The following MCF2L2 variants were observed in gnomAD, a reference collection of about 807,000 sequenced individuals.
The protein encoded by MCF2L2 is probable guanine nucleotide exchange factor MCF2L2.
MCF2L2 carries 102 observed loss-of-function variants against 150.2 expected under a neutral mutation model. The ratio of observed to expected loss-of-function variants is 0.68; its 90% CI spans 0.58 to 0.80. MCF2L2 has a LOEUF of 0.80. Among genes scored for constraint, MCF2L2 ranks in the 30% least tolerant of loss-of-function variants. The probability of loss-of-function intolerance (pLI) is 0.00; values close to 1 mark genes in which losing one functional copy is unlikely to be tolerated. For missense variants in MCF2L2, 1,256 were observed against 1,372.8 expected (o/e 0.91, Z 1.34); for synonymous variants, 465 against 491.3 (o/e 0.95, Z 0.71).
At chr3:183,287,917 T>C (rs1247198382) in intron 14 of MCF2L2, 2 of 152,210 alleles carry the variant, frequency 1.3e-5, no homozygotes, top group Non-Finnish European at 2.9e-5. Flanking sequence ...TGGGGATTGA[T>C]GATGGATCAT....
intron 15 of MCF2L2, among the ~76,000 whole-genome samples, chr3:183,249,494 G>A (rs1315880127): frequency 6.6e-6 from 1 of 152,210 alleles, no homozygotes; most frequent in Non-Finnish European, 1.5e-5. Flanking sequence ...TGAAGGAGAT[G>A]ATCAGTTCCA....
chr3:183,266,376 C>T (rs1340640644), intron 15 of MCF2L2, among the ~76,000 whole-genome samples: 9 of 152,186 alleles, frequency 5.9e-5, no homozygotes, highest in Admixed American at 5.9e-4. Flanking sequence ...TGTTCCCTTC[C>T]CAGGGTCAAT....
intron 26 of MCF2L2, 74 bp downstream of exon 26, chr3:183,195,148 A>G: frequency 8.4e-7 from 1 of 1,188,598 alleles, no homozygotes; most frequent in Non-Finnish European, 1.2e-6. Flanking sequence ...AAGCAATAAA[A>G]GCAATGACAT....
In MCF2L2 at chr3:183,179,607, C is replaced by T; in HGVS notation, c.3191G>A (p.Gly1064Glu). 1 of 1,614,160 alleles carries T rather than the reference C, an allele frequency of 6.2e-7. No individual in the cohort carries two copies. Among genetic ancestry groups the T allele is most frequent in the Non-Finnish European group, 8.5e-7 (1 of 1,179,982 alleles). The change falls in exon 29 of 30, where the codon GGA (glycine) becomes GAA (glutamate). Residue 1064 changes from glycine to glutamate, a missense_variant. By Grantham distance (98) the Gly-to-Glu change is moderately conservative. Transcript: ENST00000328913. This position sits in a 1 kb window ranked among gnomAD's most constrained non-coding sequence, Gnocchi z 4.2. ...AFLERGESSQGEKEERDEEET... is the reference protein window; with the variant it reads ...AFLERGESSQEEKEERDEEET... Reference sequence around the variant, plus strand: ...CTCCTCATCGCGTTCTTCTTTTTCTCCCTGGCTGCTTTCTCCCCTCTCCAG... The same window carrying T: ...CTCCTCATCGCGTTCTTCTTTTTCTTCCTGGCTGCTTTCTCCCCTCTCCAG...
At chr3:183,256,913 A>T (rs1725090971) in intron 15 of MCF2L2, among the ~76,000 whole-genome samples, 1 of 152,230 alleles carries the variant, frequency 6.6e-6, no homozygotes, top group African/African-American at 2.4e-5. Flanking sequence ...TCAATTAGGG[A>T]TGATACTTCT....
rs1723414968 is a variant in MCF2L2, at chr3:183,228,086, C to A, written c.2115+211G>T. The A allele has an allele frequency of 2.6e-5, 12 of 463,680 alleles. No homozygotes were observed. The South Asian group carries it at 3.4e-4, about 13-fold the overall frequency. 28.7% of individuals were successfully genotyped at this position (463,680 alleles called of 1,614,324 possible). A position where few individuals can be genotyped will look rare whatever the true frequency, so the allele number is the denominator to read the frequency against. On this transcript the variant is annotated intron_variant, in intron 18 of 29. Coordinates refer to ENST00000328913, the MANE Select transcript of MCF2L2 (RefSeq NM_015078.4). Reference sequence around the variant, plus strand: ...TATTCATTAACTTGATTGCAGTAATCATTTCACAGGGTGTAAGTATATCAA... The same window carrying A: ...TATTCATTAACTTGATTGCAGTAATAATTTCACAGGGTGTAAGTATATCAA...
intron 15 of MCF2L2, among the ~76,000 whole-genome samples, chr3:183,245,386 T>C (rs1453782845): frequency 6.6e-6 from 1 of 152,096 alleles, no homozygotes; most frequent in Non-Finnish European, 1.5e-5. Context: ...GCTGGAGTCA[T>C]GGCCACACAC....
chr3:183,296,728 C>T, intron 12 of MCF2L2: 1 of 453,510 alleles, frequency 2.2e-6, no homozygotes, highest in Non-Finnish European at 4.0e-6. Context: ...CTCAGCACAG[C>T]ACATGGTACA....
intron 3 of MCF2L2, among the ~76,000 whole-genome samples, chr3:183,361,077 G>GAAGAGAAGAC: frequency 1.0e-5 from 1 of 100,424 alleles, no homozygotes; most frequent in East Asian, 3.6e-4. Flanking sequence ...AGACAGAAGA[G>GAAGAGAAGAC]AAGACAAGAC....
At chr3:183,356,967 T>C (rs756900205) in intron 3 of MCF2L2, among the ~76,000 whole-genome samples, 1 of 152,172 alleles carries the variant, frequency 6.6e-6, no homozygotes, top group Non-Finnish European at 1.5e-5. Context: ...ATTAAACATA[T>C]GATGCTAGAA....
At chr3:183,291,654 A>T (rs988564103) in intron 13 of MCF2L2, among the ~76,000 whole-genome samples, 3 of 152,248 alleles carry the variant, frequency 2.0e-5, no homozygotes, top group African/African-American at 7.2e-5. Context: ...TTACTAAGGA[A>T]TCAGACAAAA....
rs1402396954 is a variant in MCF2L2 at position 183,270,872 on chromosome 3, G to C, written c.1862+6000C>G. 1 of 1,610,118 alleles carries C rather than the reference G, an allele frequency of 6.2e-7. No homozygotes were observed. Among genetic ancestry groups the C allele is most frequent in the Non-Finnish European group, 8.5e-7 (1 of 1,178,872 alleles). On this transcript the variant is annotated intron_variant, in intron 15 of 29. Coordinates refer to ENST00000328913, the MANE Select transcript of MCF2L2 (RefSeq NM_015078.4). This position sits in a 1 kb window ranked among gnomAD's most constrained non-coding sequence, Gnocchi z 4.5. Reference sequence around the variant, plus strand: ...GTCAAATATACTGCAGATTAATGAAGATAATTCTCCTTTGTAAAATTAGCT... The same window carrying C: ...GTCAAATATACTGCAGATTAATGAACATAATTCTCCTTTGTAAAATTAGCT...
chr3:183,379,908 T>C (rs1269106023), intron 2 of MCF2L2, among the ~76,000 whole-genome samples: 2 of 151,710 alleles, frequency 1.3e-5, no homozygotes, highest in Non-Finnish European at 2.9e-5. Context: ...TATAGATATA[T>C]ATGACCTACC....
chr3:183,416,696 T>C (rs1323314958), intron 1 of MCF2L2, among the ~76,000 whole-genome samples: 6 of 151,634 alleles, frequency 4.0e-5, no homozygotes, highest in African/African-American at 1.2e-4. Flanking sequence ...TTCAACCAAC[T>C]GCAGATCAAA....
In MCF2L2 at chr3:183,364,480, A is replaced by G. The variant is rs147775732; in HGVS notation, c.275+14817T>C. Reference sequence around the variant, plus strand: ...GCTTGCAGTGAGCCAAGATCACGCCACTGCACTCCAGCCTGGGCAACAGAG... The same window carrying G: ...GCTTGCAGTGAGCCAAGATCACGCCGCTGCACTCCAGCCTGGGCAACAGAG... On this transcript the variant is annotated intron_variant, in intron 3 of 29. Coordinates refer to ENST00000328913, the MANE Select transcript of MCF2L2 (RefSeq NM_015078.4). Among the ~76,000 whole-genome samples the G allele has an allele frequency of 6.8e-3, 1,032 of 152,294 alleles. 14 individuals carry two copies. The highest frequency in any genetic ancestry group is 0.024 in the African/African-American group (995 of 41,554).
intron 13 of MCF2L2, among the ~76,000 whole-genome samples, chr3:183,294,920 G>A (rs111425881): frequency 3.3e-5 from 5 of 151,270 alleles, no homozygotes; most frequent in African/African-American, 7.3e-5. Flanking sequence ...GAGCCACCGC[G>A]CCCAGCCTAA....
At chr3:183,264,386 GAC>G (rs1022880311) in intron 15 of MCF2L2, among the ~76,000 whole-genome samples, 1 of 152,236 alleles carries the variant, frequency 6.6e-6, no homozygotes, top group African/African-American at 2.4e-5. Context: ...GTGTCATGCA[GAC>G]ACACTGTACC....
In MCF2L2 at chr3:183,207,770, C is replaced by G. The variant is rs1418534661; in HGVS notation, c.2550G>C (p.Trp850Cys). Residue 850 changes from tryptophan to cysteine, a missense_variant, in exon 23 of 30, where the codon TGG becomes TGC. Physicochemically the swap from Trp to Cys is radical, Grantham distance 215. Coordinates refer to ENST00000328913, the MANE Select transcript of MCF2L2 (RefSeq NM_015078.4). ...TTTTATAACGATCCTTGTGAATTGT[C>G]CAGACGCTGAAAGGGCCGTGCAGCA... ...KLLLHGPFSVWTIHKDRYKMK... is the reference protein window; with the variant it reads ...KLLLHGPFSVCTIHKDRYKMK... 6.2e-7 allele frequency: 1 copy of G among 1,614,068 alleles called. No individual in the cohort carries two copies. Among genetic ancestry groups the G allele is most frequent in the Admixed American group, 1.7e-5 (1 of 60,006 alleles).
intron 3 of MCF2L2, chr3:183,376,463 C>T (rs1435163563): frequency 6.6e-6 from 1 of 152,230 alleles, no homozygotes; most frequent in Non-Finnish European, 1.5e-5. Context: ...AGTTGCTAAA[C>T]TGATGGGATA....
Sources: gnomAD v4.1 joint callset for allele counts (sites outside exome capture counted in the v4.1 genomes callset) on GRCh38, gnomAD v4.1.1 for gene constraint, Gnocchi (gnomAD v3.1) non-coding constraint, MANE v1.5 for transcripts, NCBI Gene and HGNC (gene_info 2026-07-23, HGNC 2026-07-21) for gene names.